The following ARHGEF7 variants were observed in gnomAD, a reference collection of about 807,000 sequenced individuals.
ARHGEF7 encodes Rho guanine nucleotide exchange factor 7.
In ARHGEF7, 33 loss-of-function variants were observed where a neutral mutation model predicts 109.8. That is an observed-to-expected ratio of 0.30 (90% CI 0.23 to 0.40). ARHGEF7 has a LOEUF of 0.40. ARHGEF7 is among the 10% of genes least tolerant of loss of function. The pLI is 1.00. For missense variants in ARHGEF7, 938 were observed against 1,098.5 expected, an observed-to-expected ratio of 0.85 and a Z score of 2.07; for synonymous variants, 458 against 424.6, an observed-to-expected ratio of 1.08 and a Z score of -0.97.
upstream of ARHGEF7, chr13:111,115,100 C>G (rs1026595563): frequency 2.7e-5 from 4 of 150,464 alleles, no homozygotes; most frequent in African/African-American, 9.7e-5. Context: ...GGCTCCCTCC[C>G]CATCCGCTCC....
chr13:111,117,107 G>C lies in ARHGEF7; in HGVS notation c.165+1416G>C, dbSNP rs143632014. Reference sequence around the variant, plus strand: ...GATGTTGAAAAGTGTTGAAATGCATGCAAAGTTCACCAAAATAGGCTTAAA... The same window carrying C: ...GATGTTGAAAAGTGTTGAAATGCATCCAAAGTTCACCAAAATAGGCTTAAA... On this transcript the variant is annotated intron_variant, in intron 1 of 21. Coordinates refer to ENST00000646102, the MANE Select transcript of ARHGEF7 (RefSeq NM_001354046.2). Among the ~76,000 whole-genome samples the C allele has an allele frequency of 3.1e-3, 465 of 152,318 alleles. 1 individual carries two copies. Among genetic ancestry groups the C allele is most frequent in the African/African-American group, 0.011 (443 of 41,556 alleles).
chr13:111,271,094 G>A (rs1425867696), intron 9 of ARHGEF7, among the ~76,000 whole-genome samples: 2 of 152,214 alleles, frequency 1.3e-5, no homozygotes, highest in Non-Finnish European at 2.9e-5. Context: ...CATGCAGGCC[G>A]TCGTCTGTAT....
At chr13:111,302,206 G>A (rs1234356253) in intron 21 of ARHGEF7, among the ~76,000 whole-genome samples, 1 of 152,174 alleles carries the variant, frequency 6.6e-6, no homozygotes, top group Non-Finnish European at 1.5e-5. Flanking sequence ...AGGGTGTTCT[G>A]GGTATTGCAC....
chr13:111,124,967 C>T (rs1397716340), intron 1 of ARHGEF7, among the ~76,000 whole-genome samples: 4 of 152,118 alleles, frequency 2.6e-5, no homozygotes, highest in African/African-American at 9.7e-5. Context: ...ACCATGTTGG[C>T]CAGGCTGGTC....
In ARHGEF7 at chr13:111,266,194, G is replaced by A. The variant is rs918881659; in HGVS notation, c.951-1354G>A. On this transcript the variant is annotated intron_variant, in intron 8 of 21. Transcript: ENST00000646102. The surrounding 1 kb of genome is among the most constrained non-coding windows in gnomAD (Gnocchi z 4.8). The stretch of plus-strand genomic sequence containing the variant: ...TCAGATGGAGACAGTTAGAGGAAGC[G>A]ATTTCCACCCCCGTTTCAAGGGGTG... Among the ~76,000 whole-genome samples the A allele has an allele frequency of 2.6e-5, 4 of 152,068 alleles. No individual in the cohort carries two copies. The highest frequency in any genetic ancestry group is 7.2e-5 in the African/African-American group (3 of 41,396).
chr13:111,250,975 T>C (rs2089674635), intron 8 of ARHGEF7, among the ~76,000 whole-genome samples: 1 of 152,188 alleles, frequency 6.6e-6, no homozygotes, highest in Non-Finnish European at 1.5e-5. Context: ...TAATGTAGGC[T>C]CTGTTAGGTA....
chr13:111,204,312 T>C (rs1338240120), intron 2 of ARHGEF7, among the ~76,000 whole-genome samples: 1 of 152,214 alleles, frequency 6.6e-6, no homozygotes, highest in Non-Finnish European at 1.5e-5. Flanking sequence ...TAATCTCAGT[T>C]AGAACATATG....
chr13:111,232,085 C>G (rs1165822837), intron 5 of ARHGEF7, among the ~76,000 whole-genome samples: 1 of 151,970 alleles, frequency 6.6e-6, no homozygotes, highest in African/African-American at 2.4e-5. Context: ...CCTATCTGCC[C>G]ACCCCCTAGA....
At position 111,288,351 on chromosome 13, in the gene ARHGEF7, C is replaced by T; in HGVS notation, c.2045-3C>T. 1 of 1,611,584 alleles carries T rather than the reference C, an allele frequency of 6.2e-7. No individual in the cohort carries two copies. The highest frequency in any genetic ancestry group is 8.5e-7 in the Non-Finnish European group (1 of 1,178,034). ...CTGTGAACTGTTGCGCATCTCTTGA[C>T]AGGCACAGCTGCTTTGGAAGAAGAT... is the stretch of plus-strand genomic sequence containing the variant. On this transcript the variant is annotated splice_region_variant and splice_polypyrimidine_tract_variant and intron_variant, in intron 17 of 21. Transcript: ENST00000646102.
At chr13:111,175,894 A>G (rs947267514) in intron 2 of ARHGEF7, among the ~76,000 whole-genome samples, 2 of 152,204 alleles carry the variant, frequency 1.3e-5, no homozygotes, top group African/African-American at 4.8e-5. Context: ...GGGGAAGCAA[A>G]CACGTCCTTC....
chr13:111,166,709 C>G (rs1026432536), intron 2 of ARHGEF7, among the ~76,000 whole-genome samples: 26 of 152,218 alleles, frequency 1.7e-4, no homozygotes, highest in African/African-American at 5.8e-4. Context: ...GGAAGTCTGG[C>G]AGGGCCAGAT....
At chr13:111,275,488 C>G (rs1448628106) in intron 11 of ARHGEF7, 44 bp from the exon 12 acceptor site, 1 of 1,605,652 alleles carries the variant, frequency 6.2e-7, no homozygotes, top group Non-Finnish European at 8.5e-7. Flanking sequence ...ACTTAACATT[C>G]TGAAAGTTTA....
At chr13:111,244,848 G>A (rs1012116205) in intron 8 of ARHGEF7, among the ~76,000 whole-genome samples, 2 of 152,228 alleles carry the variant, frequency 1.3e-5, no homozygotes, top group East Asian at 3.8e-4. Context: ...TCACCAGTGA[G>A]AAATAAGTTT....
At chr13:111,216,562 G>A (rs1174655851) in intron 4 of ARHGEF7, among the ~76,000 whole-genome samples, 1 of 151,960 alleles carries the variant, frequency 6.6e-6, no homozygotes, top group Non-Finnish European at 1.5e-5. Context: ...GATGTCGCTG[G>A]TGGGGATAGA....
At chr13:111,277,503 G>A (rs2092555856) in intron 12 of ARHGEF7, 84 bp from the exon 13 acceptor site, 1 of 830,500 alleles carries the variant, frequency 1.2e-6, no homozygotes, top group South Asian at 1.5e-5. Context: ...ATAGGGCCTA[G>A]TATAAATAAG....
rs903830301 is a variant in ARHGEF7 at position 111,197,690 on chromosome 13, T to C, written c.253-7599T>C. ...ATATCCTAGCTTCAGGAATAGCTTT[T>C]GTTAGGCCTGCTTGTCTGAGTAGGG... is the stretch of plus-strand genomic sequence containing the variant. On this transcript the variant is annotated intron_variant, in intron 2 of 21. Transcript: ENST00000646102. Among the ~76,000 whole-genome samples the C allele has an allele frequency of 4.6e-5, 7 of 152,230 alleles. 1 individual carries two copies. Among genetic ancestry groups the C allele is most frequent in the Non-Finnish European group, 1.0e-4 (7 of 68,038 alleles).
At chr13:111,148,136 G>A (rs1316993483) in intron 1 of ARHGEF7, among the ~76,000 whole-genome samples, 3 of 152,202 alleles carry the variant, frequency 2.0e-5, no homozygotes, top group Non-Finnish European at 2.9e-5. Flanking sequence ...GCTTCTGTGC[G>A]TCTCACTCTT....
intron 2 of ARHGEF7, among the ~76,000 whole-genome samples, chr13:111,179,846 T>G (rs1305559997): frequency 6.6e-6 from 1 of 152,206 alleles, no homozygotes; most frequent in Non-Finnish European, 1.5e-5. Context: ...TCTGCATAGG[T>G]AATACTCTGT....
intron 12 of ARHGEF7, chr13:111,275,902 C>A: frequency 1.8e-6 from 1 of 542,142 alleles, no homozygotes; most frequent in Non-Finnish European, 3.3e-6. Context: ...CAGCTGAAGT[C>A]AGTGTGGCCC....
Sources: gnomAD v4.1 joint callset for allele counts (sites outside exome capture counted in the v4.1 genomes callset) on GRCh38, gnomAD v4.1.1 for gene constraint, Gnocchi (gnomAD v3.1) non-coding constraint, MANE v1.5 for transcripts, NCBI Gene and HGNC (gene_info 2026-07-23, HGNC 2026-07-21) for gene names.